MIB1: variants seen among roughly 807,000 people sequenced by gnomAD.
MIB1 encodes E3 ubiquitin-protein ligase MIB1.
MIB1 carries 278 observed loss-of-function variants against 124.5 expected under a neutral mutation model. The observed-to-expected ratio is 2.23, with a 90% CI of 2.02 to 2.47. The LOEUF is 2.47. Ranked by LOEUF, MIB1 falls within the 30% of genes most tolerant of loss-of-function variation. MIB1 has a pLI of 0.00. For synonymous variants in MIB1, 446 were observed against 429.4 expected, an observed-to-expected ratio of 1.04 and a Z score of -0.48; for missense variants, 957 against 1,254.4, an observed-to-expected ratio of 0.76 and a Z score of 3.58.
chr18:21,785,194 T>A (rs180950955), intron 6 of MIB1, among the ~76,000 whole-genome samples: 2 of 152,086 alleles, frequency 1.3e-5, no homozygotes, highest in African/African-American at 2.4e-5. Flanking sequence ...TTACCTATCA[T>A]TGGAGACGAC....
chr18:21,803,821 A>G, intron 9 of MIB1, 86 bp from the exon 10 acceptor site: 1 of 935,096 alleles, frequency 1.1e-6, no homozygotes, highest in Non-Finnish European at 1.7e-6. Context: ...CATACAGTAT[A>G]CTAGACTTAA....
intron 10 of MIB1, among the ~76,000 whole-genome samples, chr18:21,815,242 C>T (rs1027890680): frequency 1.3e-5 from 2 of 151,532 alleles, no homozygotes; most frequent in Admixed American, 1.3e-4. Context: ...GATCATAGCT[C>T]ACTGTAACTT....
Position 21,718,699 on chromosome 18 carries a change from A to G in MIB1, n.167+13576A>G, listed in dbSNP as rs7235749. ...CAATAGTTAACCAAAACTATGGCCA[A>G]CTATCTTGGGTGAGTTACTGGCAAG... On this transcript the variant is annotated intron_variant and non_coding_transcript_variant, in intron 1 of 20. Coordinates refer to the MIB1 transcript ENST00000578646. Among the ~76,000 whole-genome samples the G allele has an allele frequency of 8.0e-3, 1,219 of 152,292 alleles. 14 individuals are homozygous for G. The highest frequency in any genetic ancestry group is 0.028 in the African/African-American group (1,169 of 41,564).
intron 20 of MIB1, 105 bp downstream of exon 20, chr18:21,858,751 A>G (rs1488559289): frequency 4.8e-6 from 3 of 622,512 alleles, no homozygotes; most frequent in East Asian, 5.3e-5. Context: ...TTAGTGTATC[A>G]CTTGTATTAT....
At chr18:21,740,756 C>T (rs1032499450), upstream of MIB1, among the ~76,000 whole-genome samples, 2 of 152,252 alleles carry the variant, frequency 1.3e-5, no homozygotes, top group African/African-American at 4.8e-5. Context: ...GGGCAACCGT[C>T]CGCCCTTTTT....
At chr18:21,819,783 G>C (rs2041863167) in intron 12 of MIB1, 137 bp downstream of exon 12, 1 of 464,966 alleles carries the variant, frequency 2.2e-6, no homozygotes, top group Non-Finnish European at 3.6e-6. Context: ...TGAATATTAT[G>C]CCTTTAGTTT....
intron 3 of MIB1, among the ~76,000 whole-genome samples, chr18:21,771,090 A>G (rs1413541142): frequency 6.6e-6 from 1 of 152,222 alleles, no homozygotes; most frequent in African/African-American, 2.4e-5. Context: ...GTTAAGATTG[A>G]TGAACAGGTG....
upstream of MIB1, among the ~76,000 whole-genome samples, chr18:21,738,710 G>C (rs150236293): frequency 7.6e-3 from 1,144 of 150,882 alleles, 7 homozygotes; most frequent in South Asian, 0.013. Context: ...GGGAGGCTGA[G>C]TCAGGAGAAT....
intron 1 of MIB1, among the ~76,000 whole-genome samples, chr18:21,718,247 G>A (rs909653273): frequency 6.6e-6 from 1 of 152,006 alleles, no homozygotes; most frequent in Non-Finnish European, 1.5e-5. Flanking sequence ...GGGAAAGGGT[G>A]GATAGGGGGT....
chr18:21,783,458 G>T (rs1344429759), intron 6 of MIB1, among the ~76,000 whole-genome samples: 5 of 151,976 alleles, frequency 3.3e-5, no homozygotes, highest in African/African-American at 7.2e-5. Flanking sequence ...AGTCAGGCTG[G>T]TCTCTAACTC....
chr18:21,766,565 C>G (rs916082422), intron 2 of MIB1, among the ~76,000 whole-genome samples: 1 of 151,926 alleles, frequency 6.6e-6, no homozygotes, highest in African/African-American at 2.4e-5. Flanking sequence ...TGCAAAGGAG[C>G]GAGAATCCAG....
chr18:21,847,985 A>G (rs1454798780), intron 16 of MIB1, among the ~76,000 whole-genome samples: 1 of 152,168 alleles, frequency 6.6e-6, no homozygotes, highest in Non-Finnish European at 1.5e-5. Context: ...TTGTCACTGA[A>G]ATTTCAGTAG....
rs62090817 is a variant in MIB1, at chr18:21,814,210, T to C, written c.1480-1406T>C. 8.8e-3 allele frequency among the ~76,000 whole-genome samples: 1,340 copies of C among 152,298 alleles called. 15 individuals carry two copies. The highest frequency in any genetic ancestry group is 0.021 in the Admixed American group (325 of 15,298). On this transcript the variant is annotated intron_variant, in intron 10 of 20. Coordinates refer to ENST00000261537, the MANE Select transcript of MIB1 (RefSeq NM_020774.4). ...TGAAATAGTTTTGGAATTTTTGATA[T>C]ATGGAATTTTGGTAGTTTATGCTTC...
intron 1 of MIB1, among the ~76,000 whole-genome samples, chr18:21,745,094 T>A (rs2040897115): frequency 6.6e-6 from 1 of 152,186 alleles, no homozygotes; most frequent in Non-Finnish European, 1.5e-5. Context: ...TTCACAGCAG[T>A]GTTGCATGTA....
chr18:21,796,949 CAAAT>C (rs954124246), intron 7 of MIB1, among the ~76,000 whole-genome samples: 5 of 152,018 alleles, frequency 3.3e-5, no homozygotes, highest in Admixed American at 3.3e-4. Flanking sequence ...GTTTTTTCAA[CAAAT>C]AATTTGCAAA....
intron 11 of MIB1, chr18:21,817,715 C>T: frequency 2.3e-6 from 1 of 440,088 alleles, no homozygotes; most frequent in Non-Finnish European, 4.6e-6. Flanking sequence ...TGTACAGTCC[C>T]TTTCCTCAGT....
At chr18:21,724,725 AAAATATATATAT>A (rs1246252996) in intron 1 of MIB1, among the ~76,000 whole-genome samples, 25 of 42,808 alleles carry the variant, frequency 5.8e-4, no homozygotes, top group South Asian at 4.3e-3. Context: ...AAAAAAAAAA[AAAATATATATAT>A]ATATATATAT....
chr18:21,776,786 C>A (rs1347370107), intron 4 of MIB1, among the ~76,000 whole-genome samples: 1 of 152,072 alleles, frequency 6.6e-6, no homozygotes, highest in Non-Finnish European at 1.5e-5. Context: ...GCGTTCGAGA[C>A]CAGCCTGGCC....
At chr18:21,743,284 ACTCCT>A (rs1341095691) in intron 1 of MIB1, among the ~76,000 whole-genome samples, 1 of 151,878 alleles carries the variant, frequency 6.6e-6, no homozygotes, top group Non-Finnish European at 1.5e-5. Flanking sequence ...AACTATATTC[ACTCCT>A]CTGCACTTTC....
Sources: allele counts gnomAD v4.1 joint callset (sites outside exome capture counted in the v4.1 genomes callset), GRCh38; gene constraint gnomAD v4.1.1; transcripts MANE v1.5; gene names NCBI Gene and HGNC (gene_info 2026-07-23, HGNC 2026-07-21).